AP3B1: variants seen among roughly 807,000 people sequenced by gnomAD.
The protein encoded by AP3B1 is AP-3 complex subunit beta-1.
In AP3B1, 61 loss-of-function variants were observed where a neutral mutation model predicts 132.5. That is an observed-to-expected ratio of 0.46 (90% confidence interval 0.37 to 0.57). The LOEUF is 0.57. Ranked by LOEUF, AP3B1 falls within the 20% of genes least tolerant of loss-of-function variation. The probability of loss-of-function intolerance (pLI) is 0.00; values close to 1 mark genes in which losing one functional copy is unlikely to be tolerated. For missense variants in AP3B1, 1,120 were observed against 1,289.4 expected (o/e 0.87, Z 2.01); for synonymous variants, 388 against 438.3 (o/e 0.89, Z 1.43).
rs763903608 is a variant in AP3B1 at position 78,228,288 on chromosome 5, T to C, written c.280-49A>G. 5.8e-6 allele frequency: 8 copies of C among 1,389,134 alleles called. No homozygotes were observed. The Admixed American group carries it at 1.4e-4, about 25-fold the overall frequency. The allele number at this position is 1,389,134 out of a possible 1,614,324, so 86.1% of individuals were successfully genotyped here. Reference sequence around the variant, plus strand: ...CATAACCAGAGTGAAAATTTAAAACTCAGTATTTGCTATACCAAAATCCAT... The same window carrying C: ...CATAACCAGAGTGAAAATTTAAAACCCAGTATTTGCTATACCAAAATCCAT... On this transcript the variant is annotated intron_variant, in intron 3 of 26. Transcript: ENST00000255194.
intron 21 of AP3B1, among the ~76,000 whole-genome samples, chr5:78,097,168 C>A (rs1325078365): frequency 7.6e-6 from 1 of 131,294 alleles, no homozygotes; most frequent in Non-Finnish European, 1.6e-5. Flanking sequence ...GGCGCCTCTG[C>A]CCAGCTGCCC....
chr5:78,238,122 C>A (rs1025684085), intron 3 of AP3B1, among the ~76,000 whole-genome samples: 1 of 152,196 alleles, frequency 6.6e-6, no homozygotes, highest in East Asian at 1.9e-4. Context: ...TCATTGCTCG[C>A]ATTACCTCCT....
chr5:78,056,763 G>T (rs199821966), intron 22 of AP3B1, among the ~76,000 whole-genome samples: 96 of 152,132 alleles, frequency 6.3e-4, no homozygotes, highest in Non-Finnish European at 1.3e-3. Context: ...AGGGAGGAAG[G>T]GACTATTTTT....
chr5:78,105,409 C>T (rs1751292532), intron 20 of AP3B1, among the ~76,000 whole-genome samples: 1 of 151,990 alleles, frequency 6.6e-6, no homozygotes, highest in African/African-American at 2.4e-5. Context: ...AATTTTTTCA[C>T]CATCTGTTCA....
Position 78,003,074 on chromosome 5 carries a change from A to C in AP3B1, c.3132-19T>G. The C allele has an allele frequency of 6.2e-7, 1 of 1,613,490 alleles. No individual in the cohort carries two copies. The highest frequency in any genetic ancestry group is 8.5e-7 in the Non-Finnish European group (1 of 1,179,714). On this transcript the variant is annotated intron_variant, in intron 26 of 26. Coordinates refer to ENST00000255194, the MANE Select transcript of AP3B1 (RefSeq NM_003664.5). ...TGCAAACCTGGAAGAGAAAAAAGAG[A>C]GACCTTTTATCATAAGATGGGGAGG...
intron 22 of AP3B1, among the ~76,000 whole-genome samples, chr5:78,058,858 A>G (rs1247286755): frequency 1.3e-5 from 2 of 152,234 alleles, no homozygotes; most frequent in African/African-American, 2.4e-5. Flanking sequence ...AATGGCCTCT[A>G]TGAGTGCCAT....
rs552942872 is a variant in AP3B1, at chr5:78,150,250, G to A, written c.1473+6008C>T. Among the ~76,000 whole-genome samples the A allele has an allele frequency of 1.8e-4, 27 of 152,306 alleles. No homozygotes were observed. In the South Asian group the frequency reaches 2.3e-3, roughly 13 times the overall value. On this transcript the variant is annotated intron_variant, in intron 14 of 26. Coordinates refer to ENST00000255194, the MANE Select transcript of AP3B1 (RefSeq NM_003664.5). ...AGTAAAAAGCAAACACAATGGAGAA[G>A]AAATAGCTGAAGAGTTTGAAGAAAA...
intron 8 of AP3B1, among the ~76,000 whole-genome samples, chr5:78,179,555 C>T (rs1027635842): frequency 3.9e-5 from 6 of 152,110 alleles, no homozygotes; most frequent in Non-Finnish European, 8.8e-5. Context: ...AATATACAAC[C>T]TTATAGACCT....
At chr5:78,118,209 C>A (rs1024604981) in intron 17 of AP3B1, among the ~76,000 whole-genome samples, 1 of 152,152 alleles carries the variant, frequency 6.6e-6, no homozygotes, top group African/African-American at 2.4e-5. Flanking sequence ...GAGGGTGGAG[C>A]CAAGATGGCC....
chr5:78,240,906 G>C lies in AP3B1; in HGVS notation c.235C>G (p.Leu79Val). Residue 79 changes from leucine (L) to valine (V), a missense_variant, in exon 3 of 27, where the codon CTG becomes GTG. Around this residue, in one of 3 missense-constraint regions of AP3B1, gnomAD observed 129 missense variants for 212.4 expected, o/e 0.61. Coordinates refer to ENST00000255194, the MANE Select transcript of AP3B1 (RefSeq NM_003664.5). Reference protein sequence around the residue: ...MIAKGKNASELFPAVVKNVAS... With the variant: ...MIAKGKNASEVFPAVVKNVAS... ...ACATTCTTCACAACAGCAGGAAACA[G>C]TTCAGATGCATTTTTCCCTTTTGCA... The C allele has an allele frequency of 6.2e-7, 1 of 1,613,098 alleles. No individual in the cohort carries two copies. Among genetic ancestry groups the C allele is most frequent in the Non-Finnish European group, 8.5e-7 (1 of 1,179,318 alleles).
In AP3B1 at chr5:78,064,230, T is replaced by C. The variant is rs538918665; in HGVS notation, c.2578-24956A>G. Among the ~76,000 whole-genome samples the C allele has an allele frequency of 4.4e-3, 668 of 150,778 alleles. 4 individuals are homozygous for C. Among genetic ancestry groups the C allele is most frequent in the African/African-American group, 0.015 (620 of 40,902 alleles). On this transcript the variant is annotated intron_variant, in intron 22 of 26. Coordinates refer to ENST00000255194, the MANE Select transcript of AP3B1 (RefSeq NM_003664.5). ...ACATTTAACATAATATGCTTAGATA[T>C]ACAGTATCAATTTATATGATTCCTT...
intron 20 of AP3B1, among the ~76,000 whole-genome samples, chr5:78,108,672 T>C (rs546237022): frequency 1.3e-5 from 2 of 152,324 alleles, no homozygotes; most frequent in African/African-American, 4.8e-5. Context: ...TATTTTTAAC[T>C]ATCAAGAGAT....
At chr5:78,230,879 A>G (rs34125774) in intron 3 of AP3B1, among the ~76,000 whole-genome samples, 1 of 151,892 alleles carries the variant, frequency 6.6e-6, no homozygotes, top group African/African-American at 2.4e-5. Flanking sequence ...GCACTTTGGG[A>G]GGCTGAGACG....
At chr5:78,127,503 G>T (rs76632921) in intron 17 of AP3B1, among the ~76,000 whole-genome samples, 1 of 152,092 alleles carries the variant, frequency 6.6e-6, no homozygotes, top group East Asian at 1.9e-4. Context: ...ATTTGTTTTT[G>T]ATGAGAAAGC....
intron 2 of AP3B1, among the ~76,000 whole-genome samples, chr5:78,248,677 C>T (rs974170582): frequency 4.0e-5 from 6 of 151,882 alleles, no homozygotes; most frequent in Non-Finnish European, 5.9e-5. Context: ...TTGATTGGTC[C>T]GCCTAAATAT....
chr5:78,177,165 T>C (rs1430994160), intron 9 of AP3B1, among the ~76,000 whole-genome samples, 174 bp downstream of exon 9: 1 of 152,214 alleles, frequency 6.6e-6, no homozygotes, highest in Non-Finnish European at 1.5e-5. Flanking sequence ...ATCATTAAGT[T>C]TGAGATAAAT....
chr5:78,078,576 C>T (rs183958079), intron 22 of AP3B1, among the ~76,000 whole-genome samples: 40 of 152,234 alleles, frequency 2.6e-4, no homozygotes, highest in African/African-American at 8.9e-4. Context: ...GGCTGAAATA[C>T]GCATCTCCTC....
chr5:78,046,842 A>G (rs1748355890), intron 22 of AP3B1, among the ~76,000 whole-genome samples: 1 of 152,038 alleles, frequency 6.6e-6, no homozygotes, highest in South Asian at 2.1e-4. Context: ...TCCTAATGCT[A>G]GCCCTCCCCT....
intron 6 of AP3B1, among the ~76,000 whole-genome samples, chr5:78,220,671 A>C (rs1746138382): frequency 1.3e-5 from 2 of 151,864 alleles, no homozygotes; most frequent in African/African-American, 4.8e-5. Context: ...GTAGAAAGGG[A>C]AAGTTTCACG....
Sources: allele counts gnomAD v4.1 joint callset (sites outside exome capture counted in the v4.1 genomes callset), GRCh38; gene constraint gnomAD v4.1.1; regional missense constraint gnomAD v4.1.1; transcripts MANE v1.5; gene names NCBI Gene and HGNC (gene_info 2026-07-23, HGNC 2026-07-21).